RSPO2: variants seen among roughly 807,000 people sequenced by gnomAD.
RSPO2 encodes R-spondin 2.
Under a neutral mutation model 30.9 loss-of-function variants are expected in RSPO2, and 14 were observed. That is an observed-to-expected ratio of 0.45 (90% CI 0.30 to 0.71). The LOEUF (loss-of-function observed/expected upper bound fraction) is 0.71. Ranked by LOEUF, RSPO2 falls within the 30% of genes least tolerant of loss-of-function variation. RSPO2 has a pLI of 0.08. For synonymous variants in RSPO2, 107 were observed against 96.4 expected (o/e 1.11, Z -0.64); for missense variants, 264 against 301.9 (o/e 0.87, Z 0.93).
chr8:108,082,605 T>C lies in RSPO2; in HGVS notation c.34A>G (p.Ile12Val), dbSNP rs1813244079. 1 of 1,614,084 alleles carries C rather than the reference T, an allele frequency of 6.2e-7. No individual in the cohort carries two copies. Reference protein sequence around the residue: ...QFRLFSFALIILNCMDYSHCQ... With the variant: ...QFRLFSFALIVLNCMDYSHCQ... ...TGGCTGTAATCCATGCAGTTCAGAA[T>C]GATGAGGGCAAAGGAGAAAAGGCGA... The change falls in exon 2 of 6, where the codon ATT (isoleucine) becomes GTT (valine). Residue 12 changes from isoleucine (I) to valine (V), a missense_variant. Transcript: ENST00000276659.
chr8:107,976,141 G>A (rs887979211), intron 3 of RSPO2, among the ~76,000 whole-genome samples: 3 of 152,342 alleles, frequency 2.0e-5, no homozygotes, highest in South Asian at 2.1e-4. Flanking sequence ...TGCTGAAAGT[G>A]TACCACTTCA....
intron 5 of RSPO2, among the ~76,000 whole-genome samples, chr8:107,909,685 C>T (rs576770428): frequency 3.3e-5 from 5 of 152,312 alleles, no homozygotes; most frequent in African/African-American, 1.2e-4. Flanking sequence ...TGACCTCATC[C>T]TAACTCTGAA....
chr8:108,076,330 T>G (rs1384044845), intron 2 of RSPO2, among the ~76,000 whole-genome samples: 1 of 152,132 alleles, frequency 6.6e-6, no homozygotes, highest in African/African-American at 2.4e-5. Flanking sequence ...CTGGGAGGTT[T>G]AGGGTTTATT....
At chr8:108,003,211 C>T (rs1444954146) in intron 2 of RSPO2, among the ~76,000 whole-genome samples, 1 of 142,460 alleles carries the variant, frequency 7.0e-6, no homozygotes, top group Non-Finnish European at 1.5e-5. Flanking sequence ...ACCATCACAC[C>T]TGGCTAATTT....
chr8:108,032,882 A>G (rs1160166260), intron 2 of RSPO2, among the ~76,000 whole-genome samples: 1 of 151,422 alleles, frequency 6.6e-6, no homozygotes, highest in Non-Finnish European at 1.5e-5. Flanking sequence ...ACATGGTGAA[A>G]CCCCATCTCT....
chr8:108,074,652 G>A (rs991725442), intron 2 of RSPO2, among the ~76,000 whole-genome samples: 4 of 152,086 alleles, frequency 2.6e-5, no homozygotes, highest in Non-Finnish European at 5.9e-5. Context: ...AAGGGTCTGT[G>A]GTCTGAAGAA....
chr8:108,001,608 T>C (rs1815251335), intron 2 of RSPO2, among the ~76,000 whole-genome samples: 1 of 152,150 alleles, frequency 6.6e-6, no homozygotes, highest in South Asian at 2.1e-4. Flanking sequence ...CTAACACCAA[T>C]AACATTAATT....
At chr8:108,070,109 T>C (rs1812792072) in intron 2 of RSPO2, among the ~76,000 whole-genome samples, 1 of 152,162 alleles carries the variant, frequency 6.6e-6, no homozygotes. Flanking sequence ...TGTCAATATC[T>C]AGCATATTAC....
intron 3 of RSPO2, chr8:107,982,998 TCCTG>T: frequency 1.6e-6 from 1 of 642,464 alleles, no homozygotes; most frequent in East Asian, 2.9e-5. Context: ...TACGACTGGC[TCCTG>T]GGGTGCAGAG....
chr8:108,071,061 G>A (rs1812830272), intron 2 of RSPO2, among the ~76,000 whole-genome samples: 2 of 152,128 alleles, frequency 1.3e-5, no homozygotes, highest in Non-Finnish European at 2.9e-5. Context: ...ACGACTGCTT[G>A]ATATGCAGAA....
intron 5 of RSPO2, among the ~76,000 whole-genome samples, chr8:107,910,774 C>G (rs1811796829): frequency 6.6e-6 from 1 of 152,088 alleles, no homozygotes; most frequent in South Asian, 2.1e-4. Context: ...TAATTAAAAA[C>G]AGGTTGGGCA....
intron 2 of RSPO2, among the ~76,000 whole-genome samples, chr8:107,996,327 G>T (rs999378653): frequency 1.3e-5 from 2 of 152,128 alleles, no homozygotes; most frequent in African/African-American, 2.4e-5. Context: ...TCACGAAAAA[G>T]CCACCCCTTT....
Position 107,901,013 on chromosome 8 carries a change from A to G in RSPO2, c.*62T>C, listed in dbSNP as rs1271582503. 3 of 1,568,664 alleles carry G rather than the reference A, an allele frequency of 1.9e-6. No homozygotes were observed. Among genetic ancestry groups the G allele is most frequent in the South Asian group, 1.1e-5 (1 of 87,164 alleles). On this transcript the variant is annotated 3_prime_UTR_variant, in exon 6 of 6. Coordinates refer to ENST00000276659, the MANE Select transcript of RSPO2 (RefSeq NM_178565.5). ...GCTGCACACCAGTGTGCAGGAGTGG[A>G]GAGTAGCTTTGTGCACATTTGCAAA...
intron 4 of RSPO2, among the ~76,000 whole-genome samples, chr8:107,959,030 C>G (rs745322056): frequency 1.3e-5 from 2 of 152,150 alleles, no homozygotes; most frequent in African/African-American, 4.8e-5. Context: ...TTAAAAGAGT[C>G]AACAGCTAAA....
At position 107,938,050 on chromosome 8, in the gene RSPO2, G is replaced by A. The variant is rs144781204; in HGVS notation, c.616+20030C>T. On this transcript the variant is annotated intron_variant, in intron 5 of 5. Transcript: ENST00000276659. Reference sequence around the variant, plus strand: ...AAAGTGCTGTATCAAATAACACTCCGACAACATAAAAACTTAGTGACATTA... The same window carrying A: ...AAAGTGCTGTATCAAATAACACTCCAACAACATAAAAACTTAGTGACATTA... Among the ~76,000 whole-genome samples, 1,180 of 152,016 alleles carry A rather than the reference G, an allele frequency of 7.8e-3. 13 individuals are homozygous for A. Among genetic ancestry groups the A allele is most frequent in the African/African-American group, 0.026 (1,061 of 41,488 alleles).
At chr8:107,987,453 C>T (rs1814686563) in intron 3 of RSPO2, among the ~76,000 whole-genome samples, 1 of 152,128 alleles carries the variant, frequency 6.6e-6, no homozygotes, top group African/African-American at 2.4e-5. Flanking sequence ...CAATTCCAAC[C>T]ACACCTCCCA....
chr8:107,925,186 A>G (rs956335570), intron 5 of RSPO2, among the ~76,000 whole-genome samples: 1 of 151,896 alleles, frequency 6.6e-6, no homozygotes, highest in Non-Finnish European at 1.5e-5. Flanking sequence ...AAAAGACTAC[A>G]TATTGGGAAC....
At chr8:108,071,850 C>T (rs1179573812) in intron 2 of RSPO2, among the ~76,000 whole-genome samples, 2 of 152,262 alleles carry the variant, frequency 1.3e-5, no homozygotes, top group South Asian at 2.1e-4. Flanking sequence ...GAAGACATGA[C>T]AAGTCAAAGA....
intron 2 of RSPO2, among the ~76,000 whole-genome samples, chr8:108,040,497 C>T (rs1168039589): frequency 6.6e-6 from 1 of 152,020 alleles, no homozygotes; most frequent in Non-Finnish European, 1.5e-5. Flanking sequence ...CAGCCAATGC[C>T]CAGAGTAAAT....
Sources: allele counts gnomAD v4.1 joint callset (sites outside exome capture counted in the v4.1 genomes callset), GRCh38; gene constraint gnomAD v4.1.1; transcripts MANE v1.5; gene names NCBI Gene and HGNC (gene_info 2026-07-23, HGNC 2026-07-21).